The following BCAP29 variants were observed in gnomAD, a reference collection of about 807,000 sequenced individuals.
BCAP29 encodes B-cell receptor-associated protein 29.
Under a neutral mutation model 31.8 loss-of-function variants are expected in BCAP29, and 34 were observed. The ratio of observed to expected loss-of-function variants is 1.07; its 90% CI spans 0.81 to 1.42. The LOEUF is 1.42. BCAP29 is among the 40% of genes most tolerant of loss of function. BCAP29 has a pLI of 0.00. For synonymous variants in BCAP29, 104 were observed against 91.3 expected (o/e 1.14, Z -0.79); for missense variants, 314 against 269.2 (o/e 1.17, Z -1.16).
intron 6 of BCAP29, among the ~76,000 whole-genome samples, chr7:107,609,618 G>A (rs1452119142): frequency 3.9e-5 from 6 of 152,120 alleles, no homozygotes; most frequent in Non-Finnish European, 7.4e-5. Flanking sequence ...CACAATATAG[G>A]CATGTACAAA....
At position 107,607,325 on chromosome 7, in the gene BCAP29, T is replaced by G. The variant is rs1025200416; in HGVS notation, c.590-6007T>G. Among the ~76,000 whole-genome samples, 54 of 152,068 alleles carry G rather than the reference T, an allele frequency of 3.6e-4. 1 individual carries two copies. Among genetic ancestry groups the G allele is most frequent in the Admixed American group, 3.5e-3 (54 of 15,276 alleles). ...GAGTAAGATCCTGTCTCAAAAATAA[T>G]GTTCTCTGATATGTGCCTCCAGGTT... On this transcript the variant is annotated intron_variant, in intron 6 of 7. Coordinates refer to ENST00000005259, the MANE Select transcript of BCAP29 (RefSeq NM_018844.4).
intron 5 of BCAP29, among the ~76,000 whole-genome samples, chr7:107,599,204 T>A (rs1810512216): frequency 1.9e-4 from 4 of 21,038 alleles, no homozygotes; most frequent in South Asian, 1.8e-3. Context: ...TAAATACATA[T>A]TTATAAATAT....
chr7:107,601,457 CCTT>C (rs1372961556), intron 6 of BCAP29, among the ~76,000 whole-genome samples: 5 of 152,076 alleles, frequency 3.3e-5, no homozygotes, highest in Non-Finnish European at 7.4e-5. Context: ...TCACGTTCCT[CCTT>C]ATTATTTCAA....
chr7:107,604,685 G>GT lies in BCAP29; in HGVS notation c.589+4193dup, dbSNP rs56875105. The stretch of plus-strand genomic sequence containing the variant: ...TCATTTTGTTGTTGTTGTTGTTGTT[G>GT]TTTTTTTTTTTTTGCTTTGTTGCCT... On this transcript the variant is annotated intron_variant, in intron 6 of 7. Coordinates refer to ENST00000005259, the MANE Select transcript of BCAP29 (RefSeq NM_018844.4). 8.3e-3 allele frequency among the ~76,000 whole-genome samples: 1,224 copies of GT among 147,216 alleles called. 13 individuals carry two copies. Among genetic ancestry groups the GT allele is most frequent in the Middle Eastern group, 0.021 (6 of 286 alleles).
intron 3 of BCAP29, among the ~76,000 whole-genome samples, chr7:107,585,161 T>A (rs1486096385): frequency 6.6e-6 from 1 of 152,176 alleles, no homozygotes; most frequent in Non-Finnish European, 1.5e-5. Flanking sequence ...CCCTCAGAGT[T>A]GTTGTGTTGT....
At chr7:107,592,071 G>A (rs996735122) in intron 3 of BCAP29, among the ~76,000 whole-genome samples, 23 of 152,000 alleles carry the variant, frequency 1.5e-4, no homozygotes, top group East Asian at 1.9e-4. Context: ...ACAGGTGTTA[G>A]CCACCACACC....
chr7:107,583,905 A>ATGTC lies in BCAP29; in HGVS notation c.119_122dup (p.Trp41CysfsTer4). 6.4e-7 allele frequency: 1 copy of ATGTC among 1,573,324 alleles called. No individual in the cohort carries two copies. Among genetic ancestry groups the ATGTC allele is most frequent in the Non-Finnish European group, 8.6e-7 (1 of 1,157,820 alleles). The stretch of plus-strand genomic sequence containing the variant: ...AGATGGCAGAAGATTTTTTCATTTA[A>ATGTC]TGTCTGGGGTAAAATTGCAACTTTT... On this transcript the variant is annotated frameshift_variant, in exon 3 of 8. Coordinates refer to ENST00000005259, the MANE Select transcript of BCAP29 (RefSeq NM_018844.4). LOFTEE classifies it high-confidence loss of function.
intron 3 of BCAP29, among the ~76,000 whole-genome samples, chr7:107,592,305 A>T (rs1176930948): frequency 2.6e-5 from 4 of 152,234 alleles, no homozygotes; most frequent in Non-Finnish European, 4.4e-5. Context: ...TCCAAAGATG[A>T]TATACAAATG....
downstream of BCAP29, chr7:107,622,410 T>C: frequency 6.5e-6 from 1 of 153,890 alleles, no homozygotes; most frequent in Non-Finnish European, 1.4e-5. Context: ...CACCTGTTTC[T>C]TTTTGTTGTT....
At position 107,586,760 on chromosome 7, in the gene BCAP29, C is replaced by CT. The variant is rs561044184; in HGVS notation, c.193+2779dup. ...TTTTTTTTTTTGTGACGGGGTCTCA[C>CT]TCTGTCACCAAGGCTGAAATGCAGT... On this transcript the variant is annotated intron_variant, in intron 3 of 7. Transcript: ENST00000005259. 8.7e-3 allele frequency among the ~76,000 whole-genome samples: 1,243 copies of CT among 142,560 alleles called. 10 individuals are homozygous for CT. Among genetic ancestry groups the CT allele is most frequent in the Non-Finnish European group, 0.014 (918 of 66,482 alleles). The allele number at this position is 142,560 out of a possible 152,430, so 93.5% of individuals were successfully genotyped here. A position where few individuals can be genotyped will look rare whatever the true frequency, so the allele number is the denominator to read the frequency against.
At chr7:107,585,350 A>G (rs1807453538) in intron 3 of BCAP29, among the ~76,000 whole-genome samples, 1 of 152,210 alleles carries the variant, frequency 6.6e-6, no homozygotes, top group Admixed American at 6.5e-5. Context: ...AAAGGTGTGA[A>G]TGATTTGTGC....
intron 3 of BCAP29, among the ~76,000 whole-genome samples, chr7:107,585,693 A>C (rs987443848): frequency 6.6e-6 from 1 of 152,142 alleles, no homozygotes; most frequent in Non-Finnish European, 1.5e-5. Flanking sequence ...TTTTGGTTAC[A>C]TTAGAAACAA....
chr7:107,585,529 G>A (rs997113220), intron 3 of BCAP29, among the ~76,000 whole-genome samples: 2 of 152,020 alleles, frequency 1.3e-5, no homozygotes, highest in Non-Finnish European at 2.9e-5. Context: ...TTATTTCCTG[G>A]GTTTGATTTA....
At position 107,604,687 on chromosome 7, in the gene BCAP29, T is replaced by TG. The variant is rs771790567; in HGVS notation, c.589+4182_589+4183insG. Among the ~76,000 whole-genome samples, 1,077 of 120,350 alleles carry TG rather than the reference T, an allele frequency of 8.9e-3. 7 individuals carry two copies. The highest frequency in any genetic ancestry group is 0.021 in the African/African-American group (496 of 24,100). The allele number at this position is 120,350 out of a possible 152,430, so 79.0% of individuals were successfully genotyped here. On this transcript the variant is annotated intron_variant, in intron 6 of 7. Transcript: ENST00000005259. ...ATTTTGTTGTTGTTGTTGTTGTTGTTTTTTTTTTTTTGCTTTGTTGCCTTT... is the reference window on the plus strand; with the variant it reads ...ATTTTGTTGTTGTTGTTGTTGTTGTTGTTTTTTTTTTTGCTTTGTTGCCTTT...
chr7:107,587,407 T>G (rs941559309), intron 3 of BCAP29: 7 of 152,374 alleles, frequency 4.6e-5, no homozygotes, highest in Middle Eastern at 6.8e-3. Flanking sequence ...TGGTTAATCT[T>G]CAGCTTTTCT....
chr7:107,589,901 T>G (rs1354381358), intron 3 of BCAP29, among the ~76,000 whole-genome samples: 2 of 152,172 alleles, frequency 1.3e-5, no homozygotes, highest in Admixed American at 1.3e-4. Context: ...TGATCCTTCC[T>G]GTTCCCAAAA....
In BCAP29 at chr7:107,594,074, T is replaced by G; in HGVS notation, c.313T>G (p.Tyr105Asp). The change falls in exon 4 of 8, where the codon TAC becomes GAC. Residue 105 changes from tyrosine to aspartate, a missense_variant. Physicochemically the swap from Tyr to Asp is radical, Grantham distance 160. Coordinates refer to ENST00000005259, the MANE Select transcript of BCAP29 (RefSeq NM_018844.4). ...MKLFRSQRNLYISGFSLFFWL... is the reference protein window; with the variant it reads ...MKLFRSQRNLDISGFSLFFWL... ...ACTTTTTAGGTCTCAAAGAAATCTT[T>G]ACATTTCTGGATTTTCCCTATTTTT... is the stretch of plus-strand genomic sequence containing the variant. 1 of 1,612,526 alleles carries G rather than the reference T, an allele frequency of 6.2e-7. No individual in the cohort carries two copies. Among genetic ancestry groups the G allele is most frequent in the Non-Finnish European group, 8.5e-7 (1 of 1,179,104 alleles).
chr7:107,593,875 T>C lies in BCAP29; in HGVS notation c.194-80T>C, dbSNP rs1809324639. On this transcript the variant is annotated intron_variant, in intron 3 of 7. Transcript: ENST00000005259. ...TCCATTATTTAAAAGTTTGGTCAGT[T>C]TTTCTAAAACTGCTTTCCATTTTTA... is the stretch of plus-strand genomic sequence containing the variant. 1.1e-5 allele frequency: 15 copies of C among 1,420,916 alleles called. No individual in the cohort carries two copies. The South Asian group carries it at 2.1e-4, about 20-fold the overall frequency. The allele number at this position is 1,420,916 out of a possible 1,614,324, so 88.0% of individuals were successfully genotyped here.
At chr7:107,603,081 A>G (rs7784834) in intron 6 of BCAP29, among the ~76,000 whole-genome samples, 1 of 142,414 alleles carries the variant, frequency 7.0e-6, no homozygotes, top group South Asian at 2.2e-4. Flanking sequence ...GCCATTCTCC[A>G]GCCTCAGCCT....
Sources: allele counts gnomAD v4.1 joint callset (sites outside exome capture counted in the v4.1 genomes callset), GRCh38; gene constraint gnomAD v4.1.1; transcripts MANE v1.5; gene names NCBI Gene and HGNC (gene_info 2026-07-23, HGNC 2026-07-21).